The following CASK variants were observed in gnomAD, a reference collection of about 807,000 sequenced individuals.
CASK encodes the protein peripheral plasma membrane protein CASK.
Under a neutral mutation model 82.9 loss-of-function variants are expected in CASK, and 4 were observed. The observed-to-expected ratio is 0.05, with a 90% CI of 0.02 to 0.11. The LOEUF (loss-of-function observed/expected upper bound fraction) is 0.11, where lower values mean the gene tolerates loss of function less well. Ranked by LOEUF, CASK falls within the 10% of genes least tolerant of loss-of-function variation. CASK has a pLI of 1.00. For synonymous variants in CASK, 259 were observed against 253.5 expected, an observed-to-expected ratio of 1.02 and a Z score of -0.20; for missense variants, 358 against 720.9, an observed-to-expected ratio of 0.50 and a Z score of 5.76.
chrX:41,758,021 G>A (rs1039756054), intron 3 of CASK, among the ~76,000 whole-genome samples: 1 of 112,258 alleles, frequency 8.9e-6, no homozygotes, highest in African/African-American at 3.2e-5. Context: ...GTATTTGTGG[G>A]GGGATTATGT....
At chrX:41,544,018 G>A (rs182703709) in intron 21 of CASK, among the ~76,000 whole-genome samples, 111 of 111,659 alleles carry the variant, frequency 9.9e-4, no homozygotes, top group Non-Finnish European at 1.6e-3. Flanking sequence ...TTCCTCTTTC[G>A]TTAAGTGTCT....
chrX:41,538,791 C>T (rs1387866280), intron 22 of CASK, among the ~76,000 whole-genome samples: 1 of 111,820 alleles, frequency 8.9e-6, no homozygotes, highest in African/African-American at 3.3e-5. Context: ...TCTTCAAATA[C>T]TATAAAGACC....
intron 1 of CASK, among the ~76,000 whole-genome samples, chrX:41,865,023 T>C (rs1043156160): frequency 2.7e-5 from 3 of 111,994 alleles, no homozygotes; most frequent in African/African-American, 9.7e-5. Context: ...AATAAGAGTA[T>C]AGTGGATGTA....
At chrX:41,826,339 A>T (rs2070664345) in intron 2 of CASK, among the ~76,000 whole-genome samples, 1 of 112,153 alleles carries the variant, frequency 8.9e-6, no homozygotes, top group African/African-American at 3.2e-5. Flanking sequence ...TTAGACATTA[A>T]TCAATGGTGT....
chrX:41,628,594 T>G (rs2066417391), intron 9 of CASK, among the ~76,000 whole-genome samples: 2 of 111,803 alleles, frequency 1.8e-5, no homozygotes, highest in African/African-American at 3.2e-5. Context: ...TGTGAGCCAC[T>G]GCGCCTGGCC....
intron 2 of CASK, among the ~76,000 whole-genome samples, chrX:41,836,875 A>G (rs956526596): frequency 1.8e-5 from 2 of 112,329 alleles, no homozygotes; most frequent in Non-Finnish European, 3.8e-5. Flanking sequence ...AGGTATAGAG[A>G]TTCATTAACT....
chrX:41,711,904 C>T (rs1212637093), intron 5 of CASK, among the ~76,000 whole-genome samples: 1 of 112,308 alleles, frequency 8.9e-6, no homozygotes, highest in Non-Finnish European at 1.9e-5. Flanking sequence ...TAAAATTCTT[C>T]CCTACCCATC....
intron 1 of CASK, among the ~76,000 whole-genome samples, chrX:41,883,669 C>G (rs1203212227): frequency 1.8e-5 from 2 of 111,404 alleles, no homozygotes; most frequent in Non-Finnish European, 3.8e-5. Context: ...CCAAAACTGC[C>G]CTGCAGCAGC....
intron 1 of CASK, among the ~76,000 whole-genome samples, chrX:41,855,982 A>G (rs924452089): frequency 8.9e-6 from 1 of 112,528 alleles, no homozygotes; most frequent in African/African-American, 3.2e-5. Context: ...ATATGTTAGA[A>G]GTGAATATAT....
chrX:41,921,532 T>C, intron 1 of CASK, among the ~76,000 whole-genome samples: 1 of 111,907 alleles, frequency 8.9e-6, no homozygotes. Context: ...ATATATCTTT[T>C]GGACAGTGCT....
At chrX:41,579,760 T>C in intron 14 of CASK, among the ~76,000 whole-genome samples, 1 of 111,735 alleles carries the variant, frequency 8.9e-6, no homozygotes, top group Non-Finnish European at 1.9e-5. Flanking sequence ...TGAAATTAAG[T>C]TATTTTATTA....
At chrX:41,614,442 A>G (rs1420658950) in intron 11 of CASK, among the ~76,000 whole-genome samples, 1 of 112,158 alleles carries the variant, frequency 8.9e-6, no homozygotes, top group African/African-American at 3.2e-5. Flanking sequence ...ACTTAGCATA[A>G]TTATCTGGGG....
chrX:41,892,774 C>A (rs1018481596), intron 1 of CASK, among the ~76,000 whole-genome samples: 4 of 111,968 alleles, frequency 3.6e-5, no homozygotes, highest in Non-Finnish European at 7.5e-5. Context: ...AATCTGAATA[C>A]AGTTTTGGCA....
chrX:41,881,357 C>T (rs2071950991), intron 1 of CASK, among the ~76,000 whole-genome samples: 1 of 111,639 alleles, frequency 9.0e-6, no homozygotes, highest in African/African-American at 3.2e-5. Context: ...TTGATTCTTA[C>T]TCTTGAAGTA....
At chrX:41,899,973 T>C (rs1187073942) in intron 1 of CASK, among the ~76,000 whole-genome samples, 1 of 110,942 alleles carries the variant, frequency 9.0e-6, no homozygotes, top group Non-Finnish European at 1.9e-5. Flanking sequence ...CACAGGGAAG[T>C]CTTTATCTCT....
At position 41,557,014 on chromosome X, in the gene CASK, T is replaced by TG. The variant is rs1454251275; in HGVS notation, c.1806+17dup. ...AACAAAATTGTCACACTTTGCTGTG[T>TG]GGAGCTAAAGTTCTTACCGAAACAG... On this transcript the variant is annotated intron_variant, in intron 19 of 26. Coordinates refer to ENST00000378163, the MANE Select transcript of CASK (RefSeq NM_001367721.1). 5.9e-6 allele frequency: 7 copies of TG among 1,184,930 alleles called. No homozygotes were observed. The Admixed American group carries it at 6.6e-5, about 11-fold the overall frequency.
At chrX:41,740,488 C>T (rs933480137) in intron 4 of CASK, among the ~76,000 whole-genome samples, 2 of 109,692 alleles carry the variant, frequency 1.8e-5, no homozygotes, top group African/African-American at 6.6e-5. Context: ...AAAAAAAAAT[C>T]CCTATCCTGG....
Position 41,626,666 on chromosome X carries a change from T to C in CASK, c.953A>G (p.Asn318Ser). Residue 318 changes from asparagine (N) to serine (S), a missense_variant, in exon 10 of 27, where the codon AAC (asparagine) becomes AGC (serine). Transcript: ENST00000378163. Reference sequence around the variant, plus strand: ...TTCAGGGGGATCCCCATAGAATGAGTTGAATTTGTGACTTGACACAGCGGC... The same window carrying C: ...TTCAGGGGGATCCCCATAGAATGAGCTGAATTTGTGACTTGACACAGCGGC... Reference protein sequence around the residue: ...VLAAVSSHKFNSFYGDPPEEL... With the variant: ...VLAAVSSHKFSSFYGDPPEEL... 5 of 1,206,011 alleles carry C rather than the reference T, an allele frequency of 4.1e-6. No homozygotes were observed. The highest frequency in any genetic ancestry group is 5.6e-6 in the Non-Finnish European group (5 of 890,489).
intron 25 of CASK, among the ~76,000 whole-genome samples, chrX:41,530,474 G>A (rs191554538): frequency 1.8e-5 from 2 of 112,132 alleles, no homozygotes; most frequent in East Asian, 5.6e-4. Flanking sequence ...AATGGCAGAG[G>A]CTGAGAGCCA....
Sources: allele counts gnomAD v4.1 joint callset (sites outside exome capture counted in the v4.1 genomes callset), GRCh38; gene constraint gnomAD v4.1.1; transcripts MANE v1.5; gene names NCBI Gene and HGNC (gene_info 2026-07-23, HGNC 2026-07-21).